AKAP13: variants seen among roughly 807,000 people sequenced by gnomAD.
AKAP13 encodes A-kinase anchoring protein 13.
A neutral mutation model predicts 264.5 loss-of-function variants in AKAP13; 80 were observed. The observed-to-expected ratio is 0.30, with a 90% CI of 0.25 to 0.36. AKAP13 has a LOEUF of 0.36. AKAP13 is among the 10% of genes least tolerant of loss of function. The probability of loss-of-function intolerance (pLI) is 1.00; values close to 1 mark genes in which losing one functional copy is unlikely to be tolerated. For missense variants in AKAP13, 3,712 were observed against 3,435.2 expected (o/e 1.08, Z -2.01); for synonymous variants, 1,380 against 1,250.2 (o/e 1.10, Z -2.19).
intron 11 of AKAP13, among the ~76,000 whole-genome samples, chr15:85,657,145 AAAT>A (rs759747158): frequency 1.2e-5 from 1 of 84,312 alleles, no homozygotes; most frequent in Non-Finnish European, 2.3e-5. Context: ...CCCTGTCTCA[AAAT>A]AATAATAATA....
intron 1 of AKAP13, among the ~76,000 whole-genome samples, chr15:85,472,264 C>CG (rs1422720462): frequency 6.7e-6 from 1 of 150,344 alleles, no homozygotes; most frequent in African/African-American, 2.4e-5. Context: ...CCCAAGTACT[C>CG]GGGAGGCTGA....
At chr15:85,603,472 A>C (rs1363698132) in intron 8 of AKAP13, among the ~76,000 whole-genome samples, 1 of 152,252 alleles carries the variant, frequency 6.6e-6, no homozygotes, top group Non-Finnish European at 1.5e-5. Context: ...GGTCTCCTCA[A>C]GGTTTTGCAG....
At chr15:85,538,044 G>C (rs183463379) in intron 4 of AKAP13, among the ~76,000 whole-genome samples, 14 of 152,112 alleles carry the variant, frequency 9.2e-5, no homozygotes, top group Non-Finnish European at 1.3e-4. Flanking sequence ...GTGGGGTAAG[G>C]ACATTTTTTT....
At chr15:85,426,319 G>C (rs1250241185) in intron 1 of AKAP13, among the ~76,000 whole-genome samples, 1 of 152,224 alleles carries the variant, frequency 6.6e-6, no homozygotes, top group East Asian at 1.9e-4. Flanking sequence ...ACTGGGGCAA[G>C]AACTCAGTCA....
At chr15:85,396,443 A>G (rs1722851717) in intron 1 of AKAP13, among the ~76,000 whole-genome samples, 1 of 152,170 alleles carries the variant, frequency 6.6e-6, no homozygotes, top group African/African-American at 2.4e-5. Context: ...TGACTCATAT[A>G]CTCATTACCC....
chr15:85,527,252 C>A (rs534492478), intron 3 of AKAP13, among the ~76,000 whole-genome samples: 3 of 152,080 alleles, frequency 2.0e-5, no homozygotes, highest in South Asian at 2.1e-4. Context: ...CGTGAGCCAC[C>A]GCACCCGGCC....
intron 1 of AKAP13, among the ~76,000 whole-genome samples, chr15:85,456,374 G>C (rs763630394): frequency 6.6e-6 from 1 of 152,138 alleles, no homozygotes; most frequent in Non-Finnish European, 1.5e-5. Flanking sequence ...TTCTTAATCA[G>C]AATCCAAATA....
intron 2 of AKAP13, among the ~76,000 whole-genome samples, chr15:85,516,224 G>C (rs922617552): frequency 6.6e-6 from 1 of 152,158 alleles, no homozygotes; most frequent in Non-Finnish European, 1.5e-5. Context: ...TTATGTGCCA[G>C]GCACTTGATA....
chr15:85,404,895 C>G (rs2071593853), intron 1 of AKAP13, among the ~76,000 whole-genome samples: 1 of 152,226 alleles, frequency 6.6e-6, no homozygotes, highest in African/African-American at 2.4e-5. Context: ...GTTGCTTGCA[C>G]TTACCTCCTT....
chr15:85,744,962 A>AG lies in AKAP13; in HGVS notation c.*287dup. On this transcript the variant is annotated 3_prime_UTR_variant, in exon 37 of 37. Coordinates refer to ENST00000394518, the MANE Select transcript of AKAP13 (RefSeq NM_007200.5). ...CTGAAAGTAATGGCCTCGTAAGTAC[A>AG]GGTGATGGTTTTGGACACGTCAGGA... 3.0e-6 allele frequency: 1 copy of AG among 337,236 alleles called. No homozygotes were observed. The highest frequency in any genetic ancestry group is 5.4e-6 in the Non-Finnish European group (1 of 185,080). The allele number at this position is 337,236 out of a possible 1,614,324, so 20.9% of individuals were successfully genotyped here.
chr15:85,649,439 CA>C (rs768256318), intron 10 of AKAP13, among the ~76,000 whole-genome samples: 3 of 152,220 alleles, frequency 2.0e-5, no homozygotes, highest in African/African-American at 7.2e-5. Flanking sequence ...GTGTGCTATG[CA>C]AAATATCAGA....
intron 1 of AKAP13, among the ~76,000 whole-genome samples, chr15:85,391,491 T>C (rs572873595): frequency 1.5e-4 from 23 of 151,676 alleles, no homozygotes; most frequent in South Asian, 4.2e-4. Context: ...CTTTTCTTTT[T>C]TTTTTTTTTT....
chr15:85,719,368 A>C, intron 23 of AKAP13, 42 bp downstream of exon 23: 1 of 1,605,328 alleles, frequency 6.2e-7, no homozygotes, highest in African/African-American at 1.3e-5. Context: ...TACACTGGGA[A>C]AAAGGGAAGT....
At chr15:85,383,236 C>G (rs1171652040) in intron 1 of AKAP13, among the ~76,000 whole-genome samples, 1 of 152,090 alleles carries the variant, frequency 6.6e-6, no homozygotes, top group African/African-American at 2.4e-5. Flanking sequence ...TCACAACTCT[C>G]CCTCCATTGT....
At chr15:85,652,443 A>T (rs537660358) in intron 10 of AKAP13, among the ~76,000 whole-genome samples, 1 of 152,310 alleles carries the variant, frequency 6.6e-6, no homozygotes, top group African/African-American at 2.4e-5. Flanking sequence ...GGAAACTTTA[A>T]CTCAAAATTT....
intron 8 of AKAP13, chr15:85,627,579 G>C (rs2081480988): frequency 6.6e-6 from 1 of 152,118 alleles, no homozygotes; most frequent in South Asian, 2.1e-4. Context: ...TTATATGATT[G>C]ACAGGGTCCA....
intron 1 of AKAP13, among the ~76,000 whole-genome samples, chr15:85,449,313 G>A (rs993308722): frequency 4.6e-5 from 7 of 152,114 alleles, no homozygotes; most frequent in African/African-American, 1.2e-4. Flanking sequence ...TTTATCAGCT[G>A]AAGGAGCTTT....
chr15:85,437,704 G>A (rs1001882203), intron 1 of AKAP13, among the ~76,000 whole-genome samples: 22 of 152,126 alleles, frequency 1.4e-4, no homozygotes, highest in Non-Finnish European at 2.8e-4. Flanking sequence ...TATAAACAGA[G>A]CCAAAGACAA....
chr15:85,627,612 A>G (rs1024646930), intron 8 of AKAP13: 2 of 152,204 alleles, frequency 1.3e-5, no homozygotes, highest in Admixed American at 6.5e-5. Context: ...AACAAAGCCT[A>G]GATTCATTGT....
Sources: allele counts gnomAD v4.1 joint callset (sites outside exome capture counted in the v4.1 genomes callset), GRCh38; gene constraint gnomAD v4.1.1; transcripts MANE v1.5; gene names NCBI Gene and HGNC (gene_info 2026-07-23, HGNC 2026-07-21).